The following RASAL2 variants were observed in gnomAD, a reference collection of about 807,000 sequenced individuals.
RASAL2 encodes ras GTPase-activating protein nGAP.
RASAL2 carries 58 observed loss-of-function variants against 128.9 expected under a neutral mutation model. That is an observed-to-expected ratio of 0.45 (90% CI 0.36 to 0.56). The LOEUF (loss-of-function observed/expected upper bound fraction) is 0.56. Among genes scored for constraint, RASAL2 ranks in the 20% least tolerant of loss-of-function variants. The pLI is 0.00. For missense variants in RASAL2, 1,360 were observed against 1,601.6 expected (o/e 0.85, Z 2.57); for synonymous variants, 561 against 580.8 (o/e 0.97, Z 0.49).
chr1:178,291,073 T>TGG (rs923332844), intron 2 of RASAL2, among the ~76,000 whole-genome samples: 1 of 152,142 alleles, frequency 6.6e-6, no homozygotes, highest in African/African-American at 2.4e-5. Context: ...AAAAAGTGTT[T>TGG]TACAGAGAAA....
intron 4 of RASAL2, among the ~76,000 whole-genome samples, chr1:178,394,003 A>G (rs1673068729): frequency 6.6e-6 from 1 of 152,148 alleles, no homozygotes; most frequent in Non-Finnish European, 1.5e-5. Context: ...GAATGGATGG[A>G]TTTTTTTCCT....
At chr1:178,373,812 C>G (rs184554111) in intron 3 of RASAL2, among the ~76,000 whole-genome samples, 3 of 151,936 alleles carry the variant, frequency 2.0e-5, no homozygotes. Flanking sequence ...TTAGTAAATT[C>G]CTATTTATCC....
Position 178,477,498 on chromosome 1 carries a change from G to A in RASAL2, c.*4259G>A, listed in dbSNP as rs894102172. 6.6e-5 allele frequency: 10 copies of A among 152,180 alleles called. No homozygotes were observed. The highest frequency in any genetic ancestry group is 2.4e-4 in the African/African-American group (10 of 41,434). 9.4% of individuals were successfully genotyped at this position (152,180 alleles called of 1,614,324 possible). A position where few individuals can be genotyped will look rare whatever the true frequency, so the allele number is the denominator to read the frequency against. On this transcript the variant is annotated 3_prime_UTR_variant, in exon 18 of 18. Transcript: ENST00000367649. ...TGAGATAGAATAAATATCTTAGGAGGAGTGAAAGAACCTGAGGAAGAGACA... is the reference window on the plus strand; with the variant it reads ...TGAGATAGAATAAATATCTTAGGAGAAGTGAAAGAACCTGAGGAAGAGACA...
In RASAL2 at chr1:178,443,106, A is replaced by C. The variant is rs1354784451; in HGVS notation, c.1359A>C (p.Ala453=). Residue 453 remains alanine (A), a synonymous_variant, in exon 8 of 18, where the codon GCA becomes GCC. Coordinates refer to ENST00000367649, the MANE Select transcript of RASAL2 (RefSeq NM_170692.4). The stretch of plus-strand genomic sequence containing the variant: ...CTATGGAGCAATACAAAGAATTTGC[A>C]GAATTTGTCACCAGCAACTACACCA... ...ILPMEQYKEF[A]EFVTSNYTML... is the part of the protein sequence containing the mutation. The C allele has an allele frequency of 3.7e-6, 6 of 1,613,896 alleles. No individual in the cohort carries two copies. Among genetic ancestry groups the C allele is most frequent in the Non-Finnish European group, 5.1e-6 (6 of 1,179,964 alleles).
chr1:178,228,310 G>A (rs763090976), intron 1 of RASAL2, among the ~76,000 whole-genome samples: 2 of 152,130 alleles, frequency 1.3e-5, no homozygotes, highest in Non-Finnish European at 2.9e-5. Context: ...GGCCGGGTGC[G>A]GTGGCTTATG....
intron 5 of RASAL2, among the ~76,000 whole-genome samples, chr1:178,427,131 CT>C (rs2102777372): frequency 6.6e-6 from 1 of 152,180 alleles, no homozygotes; most frequent in East Asian, 1.9e-4. Flanking sequence ...AAGCGATTTC[CT>C]AGAATCAATA....
At chr1:178,146,609 A>T (rs1482526632) in intron 1 of RASAL2, among the ~76,000 whole-genome samples, 1 of 152,232 alleles carries the variant, frequency 6.6e-6, no homozygotes, top group Non-Finnish European at 1.5e-5. Flanking sequence ...GTGATTGAGC[A>T]GGAAATGTTT....
At chr1:178,288,584 A>C (rs940600642) in intron 2 of RASAL2, among the ~76,000 whole-genome samples, 1 of 145,346 alleles carries the variant, frequency 6.9e-6, no homozygotes, top group Non-Finnish European at 1.5e-5. Flanking sequence ...TTTGAAAAAC[A>C]TTTTAGTTTT....
chr1:178,377,118 T>C (rs1672033535), intron 3 of RASAL2, among the ~76,000 whole-genome samples: 1 of 152,160 alleles, frequency 6.6e-6, no homozygotes, highest in Non-Finnish European at 1.5e-5. Flanking sequence ...ATGGAATAGT[T>C]CTATGAAAGA....
At chr1:178,364,055 C>T (rs1395750567) in intron 3 of RASAL2, among the ~76,000 whole-genome samples, 6 of 150,464 alleles carry the variant, frequency 4.0e-5, no homozygotes. Context: ...GAGATCGCGC[C>T]ACTGCACTCC....
intron 1 of RASAL2, among the ~76,000 whole-genome samples, chr1:178,232,965 G>A (rs755576741): frequency 6.6e-5 from 10 of 152,120 alleles, no homozygotes; most frequent in Admixed American, 2.0e-4. Context: ...ATCATTTCCC[G>A]AAAGCCTATT....
At chr1:178,407,041 A>G (rs1237800167) in intron 4 of RASAL2, among the ~76,000 whole-genome samples, 1 of 152,182 alleles carries the variant, frequency 6.6e-6, no homozygotes, top group Non-Finnish European at 1.5e-5. Context: ...AGATTCCGAT[A>G]TATCAGATCT....
intron 1 of RASAL2, among the ~76,000 whole-genome samples, chr1:178,242,435 C>G (rs1289163442): frequency 5.3e-4 from 6 of 11,366 alleles, no homozygotes; most frequent in Admixed American, 1.2e-3. Context: ...CTCTCTCTCT[C>G]TCTCTCTCTC....
intron 1 of RASAL2, among the ~76,000 whole-genome samples, chr1:178,241,985 G>A (rs1408864858): frequency 6.6e-6 from 1 of 152,168 alleles, no homozygotes; most frequent in Non-Finnish European, 1.5e-5. Flanking sequence ...CAGAGCACAA[G>A]GATGGAGAAC....
intron 1 of RASAL2, among the ~76,000 whole-genome samples, chr1:178,177,045 T>C (rs2101921715): frequency 6.6e-6 from 1 of 152,306 alleles, no homozygotes; most frequent in African/African-American, 2.4e-5. Flanking sequence ...AGAATAGTCT[T>C]CAGCTGAATA....
chr1:178,232,963 C>T (rs1036782898), intron 1 of RASAL2, among the ~76,000 whole-genome samples: 1 of 152,104 alleles, frequency 6.6e-6, no homozygotes, highest in Non-Finnish European at 1.5e-5. Flanking sequence ...AAATCATTTC[C>T]CGAAAGCCTA....
intron 3 of RASAL2, among the ~76,000 whole-genome samples, chr1:178,306,232 AT>A (rs1015536919): frequency 2.6e-5 from 4 of 152,212 alleles, no homozygotes; most frequent in Non-Finnish European, 5.9e-5. Context: ...TGAACTTATC[AT>A]TTTTTATGGC....
At chr1:178,108,968 A>G (rs181804725) in intron 1 of RASAL2, among the ~76,000 whole-genome samples, 257 of 152,322 alleles carry the variant, frequency 1.7e-3, no homozygotes, top group African/African-American at 6.0e-3. Flanking sequence ...TTTAGCAGTA[A>G]TATAAAATAT....
At chr1:178,387,896 A>G (rs188140006) in intron 3 of RASAL2, among the ~76,000 whole-genome samples, 88 of 152,334 alleles carry the variant, frequency 5.8e-4, no homozygotes, top group African/African-American at 1.3e-3. Context: ...AAACATATTC[A>G]TTTAATGAGT....
Sources: gnomAD v4.1 joint callset for allele counts (sites outside exome capture counted in the v4.1 genomes callset) on GRCh38, gnomAD v4.1.1 for gene constraint, MANE v1.5 for transcripts, NCBI Gene and HGNC (gene_info 2026-07-23, HGNC 2026-07-21) for gene names.